The following USH2A variants were observed in gnomAD, a reference collection of about 807,000 sequenced individuals.
USH2A encodes the protein Usher syndrome 2A (autosomal recessive, mild).
USH2A carries 443 observed loss-of-function variants against 538.9 expected under a neutral mutation model. The ratio of observed to expected loss-of-function variants is 0.82; its 90% CI spans 0.76 to 0.89. USH2A has a LOEUF of 0.89. Ranked by LOEUF, USH2A falls within the 40% of genes least tolerant of loss-of-function variation. The pLI is 0.00. For synonymous variants in USH2A, 2,413 were observed against 2,273.5 expected (o/e 1.06, Z -1.75); for missense variants, 6,633 against 6,324.8 (o/e 1.05, Z -1.65).
intron 3 of USH2A, among the ~76,000 whole-genome samples, chr1:216,388,740 A>C (rs1213433236): frequency 6.6e-6 from 1 of 152,238 alleles, no homozygotes; most frequent in African/African-American, 2.4e-5. Flanking sequence ...ATTTATCTGC[A>C]TAACACTCAG....
At chr1:216,377,072 T>A (rs766511936) in intron 3 of USH2A, among the ~76,000 whole-genome samples, 1 of 152,208 alleles carries the variant, frequency 6.6e-6, no homozygotes, top group Non-Finnish European at 1.5e-5. Context: ...CAGTAGACAG[T>A]ACTGAGCAAA....
At chr1:216,173,697 G>A (rs1254552909) in intron 21 of USH2A, among the ~76,000 whole-genome samples, 3 of 152,064 alleles carry the variant, frequency 2.0e-5, no homozygotes, top group Admixed American at 6.6e-5. Flanking sequence ...AACGGTGGAC[G>A]GGCCATTCTA....
In USH2A at chr1:215,814,701, A is replaced by T. The variant is rs988485944; in HGVS notation, c.9571-797T>A. On this transcript the variant is annotated intron_variant, in intron 48 of 71. Transcript: ENST00000307340. Reference sequence around the variant, plus strand: ...GATTGTAAGTTTCCTGAGGCCTCCCAGTCATGCTTCCTGTTAAGTCTGCAG... The same window carrying T: ...GATTGTAAGTTTCCTGAGGCCTCCCTGTCATGCTTCCTGTTAAGTCTGCAG... Among the ~76,000 whole-genome samples, 10 of 152,184 alleles carry T rather than the reference A, an allele frequency of 6.6e-5. No individual in the cohort carries two copies. The East Asian group carries it at 1.9e-3, about 29-fold the overall frequency.
chr1:216,158,593 T>G (rs2033995912), intron 21 of USH2A, among the ~76,000 whole-genome samples: 1 of 152,188 alleles, frequency 6.6e-6, no homozygotes, highest in Non-Finnish European at 1.5e-5. Flanking sequence ...ACTTATCTGT[T>G]CTTTTGCCTA....
At chr1:216,009,795 C>T (rs1022074149) in intron 32 of USH2A, among the ~76,000 whole-genome samples, 2 of 152,184 alleles carry the variant, frequency 1.3e-5, no homozygotes, top group African/African-American at 2.4e-5. Flanking sequence ...CTTACAGTTT[C>T]GTTCCATGAC....
intron 38 of USH2A, among the ~76,000 whole-genome samples, chr1:215,934,061 A>G (rs1666431108): frequency 6.6e-6 from 1 of 152,066 alleles, no homozygotes; most frequent in East Asian, 1.9e-4. Flanking sequence ...CATTTCACAC[A>G]TGAATGTGGC....
intron 9 of USH2A, among the ~76,000 whole-genome samples, chr1:216,321,384 C>CTCATAAA (rs2037607583): frequency 6.6e-6 from 1 of 152,106 alleles, no homozygotes; most frequent in African/African-American, 2.4e-5. Flanking sequence ...AGTAACATAA[C>CTCATAAA]TCATAAATCA....
chr1:215,869,649 A>T (rs898565906), intron 43 of USH2A, among the ~76,000 whole-genome samples: 1 of 152,246 alleles, frequency 6.6e-6, no homozygotes, highest in Non-Finnish European at 1.5e-5. Context: ...ATGACTTAAA[A>T]GAAATGTAGC....
rs1431235514 is a variant in USH2A at position 216,072,356 on chromosome 1, A to G, written c.5857+533T>C. On this transcript the variant is annotated intron_variant, in intron 29 of 71. Transcript: ENST00000307340. ...TTGGTTCTTTTCCAATTCAAAATAT[A>G]TTAAACCAATCAGCAATTTCTCTCT... 8 of 186,498 alleles carry G rather than the reference A, an allele frequency of 4.3e-5. No individual in the cohort carries two copies. The East Asian group carries it at 1.1e-3, about 26-fold the overall frequency. 11.6% of individuals were successfully genotyped at this position (186,498 alleles called of 1,614,324 possible). A position where few individuals can be genotyped will look rare whatever the true frequency, so the allele number is the denominator to read the frequency against.
chr1:215,710,973 A>G (rs74144008), intron 61 of USH2A, among the ~76,000 whole-genome samples: 1 of 151,872 alleles, frequency 6.6e-6, no homozygotes, highest in Admixed American at 6.6e-5. Context: ...ATCTACTAAC[A>G]CTGCATAGTA....
At chr1:216,190,986 T>C (rs909564249) in intron 19 of USH2A, among the ~76,000 whole-genome samples, 16 of 152,180 alleles carry the variant, frequency 1.1e-4, no homozygotes, top group Admixed American at 9.8e-4. Context: ...ATCTTTATCA[T>C]ATAATTTCAA....
intron 11 of USH2A, among the ~76,000 whole-genome samples, chr1:216,256,177 C>CT (rs1012615644): frequency 2.0e-5 from 3 of 151,752 alleles, no homozygotes; most frequent in Admixed American, 2.0e-4. Context: ...GTACTTTTTC[C>CT]TTTTTTAACC....
chr1:215,821,897 G>A (rs1029692343), intron 47 of USH2A, among the ~76,000 whole-genome samples: 3 of 151,824 alleles, frequency 2.0e-5, no homozygotes, highest in Non-Finnish European at 4.4e-5. Flanking sequence ...CTCATTGCAA[G>A]TTCTTGGTTC....
intron 3 of USH2A, among the ~76,000 whole-genome samples, chr1:216,369,201 A>T (rs2038655041): frequency 6.6e-6 from 1 of 152,304 alleles, no homozygotes; most frequent in East Asian, 1.9e-4. Flanking sequence ...AAAAGATTCC[A>T]CTATTCCATC....
intron 27 of USH2A, among the ~76,000 whole-genome samples, chr1:216,077,483 CA>C (rs2031789733): frequency 6.6e-6 from 1 of 151,208 alleles, no homozygotes; most frequent in Non-Finnish European, 1.5e-5. Flanking sequence ...ACTAGTTATG[CA>C]TACCAACTTA....
chr1:216,125,811 T>C (rs1484024937), intron 21 of USH2A, among the ~76,000 whole-genome samples: 1 of 152,176 alleles, frequency 6.6e-6, no homozygotes, highest in Admixed American at 6.5e-5. Context: ...TTGGCCTCCA[T>C]TTCTTCATCT....
intron 61 of USH2A, among the ~76,000 whole-genome samples, chr1:215,697,764 G>T (rs981336392): frequency 1.2e-4 from 18 of 152,062 alleles, no homozygotes; most frequent in African/African-American, 4.3e-4. Context: ...CAGGTGATCT[G>T]CCCACTTCGG....
At chr1:216,223,040 TG>T (rs1254244201) in intron 14 of USH2A, among the ~76,000 whole-genome samples, 1 of 146,230 alleles carries the variant, frequency 6.8e-6, no homozygotes, top group East Asian at 2.0e-4. Context: ...ATCAAGGAAA[TG>T]TTTTTTTTTT....
chr1:215,692,074 T>C (rs1658631739), intron 61 of USH2A, among the ~76,000 whole-genome samples: 1 of 152,158 alleles, frequency 6.6e-6, no homozygotes, highest in African/African-American at 2.4e-5. Flanking sequence ...GAAGAGGGTA[T>C]TTTTTAAAGA....
Sources: gnomAD v4.1 joint callset for allele counts (sites outside exome capture counted in the v4.1 genomes callset) on GRCh38, gnomAD v4.1.1 for gene constraint, MANE v1.5 for transcripts, NCBI Gene and HGNC (gene_info 2026-07-23, HGNC 2026-07-21) for gene names.